The following PRC1 variants were observed in gnomAD, a reference collection of about 807,000 sequenced individuals.
PRC1 encodes the protein protein regulator of cytokinesis 1, also known as anaphase spindle elongation 1 homolog.
Under a neutral mutation model 91.2 loss-of-function variants are expected in PRC1, and 54 were observed. That is an observed-to-expected ratio of 0.59 (90% CI 0.48 to 0.74). PRC1 has a LOEUF of 0.74. PRC1 is among the 30% of genes least tolerant of loss of function. PRC1 has a pLI of 0.00. For synonymous variants in PRC1, 275 were observed against 263.6 expected (o/e 1.04, Z -0.42); for missense variants, 727 against 746.2 (o/e 0.97, Z 0.30).
Position 90,970,598 on chromosome 15 carries a change from C to G in PRC1, c.1462-84G>C, listed in dbSNP as rs963763057. The G allele has an allele frequency of 1.5e-5, 14 of 950,106 alleles. No individual in the cohort carries two copies. The African/African-American group carries it at 3.1e-4, about 21-fold the overall frequency. The allele number at this position is 950,106 out of a possible 1,614,324, so 58.9% of individuals were successfully genotyped here. On this transcript the variant is annotated intron_variant, in intron 11 of 14. Transcript: ENST00000394249. ...ACCTGTCTACCCTACAGAGAAATGACTATGGGAGGAGGCAGTCTAGGGAAG... is the reference window on the plus strand; with the variant it reads ...ACCTGTCTACCCTACAGAGAAATGAGTATGGGAGGAGGCAGTCTAGGGAAG...
In PRC1 at chr15:90,966,336, C is replaced by T; in HGVS notation, c.*795G>A. Reference sequence around the variant, plus strand: ...TAGTGACATGTGCAAAGTTCCAGATCTCCACGACAAAGACAGCTCAACCCA... The same window carrying T: ...TAGTGACATGTGCAAAGTTCCAGATTTCCACGACAAAGACAGCTCAACCCA... On this transcript the variant is annotated 3_prime_UTR_variant, in exon 15 of 15. Transcript: ENST00000394249. The T allele has an allele frequency of 3.5e-6, 1 of 288,206 alleles. No homozygotes were observed. Among genetic ancestry groups the T allele is most frequent in the South Asian group, 2.9e-5 (1 of 34,182 alleles). The allele number at this position is 288,206 out of a possible 1,614,324, so 17.9% of individuals were successfully genotyped here.
intron 5 of PRC1, 148 bp downstream of exon 5, chr15:90,981,351 G>A: frequency 1.1e-6 from 1 of 919,128 alleles, no homozygotes; most frequent in Non-Finnish European, 1.6e-6. Flanking sequence ...AAAAATCAAG[G>A]TTGTATATCA....
chr15:90,985,892 T>C (rs8042518), intron 1 of PRC1: 46,963 of 151,822 alleles, frequency 0.31, 9,232 homozygotes, highest in African/African-American at 0.54. Flanking sequence ...TTCACTACGT[T>C]GGCCACGCTG....
intron 11 of PRC1, among the ~76,000 whole-genome samples, chr15:90,973,667 G>C (rs1037861991): frequency 6.6e-6 from 1 of 152,158 alleles, no homozygotes; most frequent in African/African-American, 2.4e-5. Context: ...GTGGCTGGAG[G>C]CGAGATACGC....
intron 1 of PRC1, among the ~76,000 whole-genome samples, chr15:90,992,234 C>T (rs1261613063): frequency 6.6e-6 from 1 of 152,130 alleles, no homozygotes. Context: ...CTCTTGATTT[C>T]TCTACATAGC....
At chr15:90,968,439 C>G (rs987082072) in intron 14 of PRC1, 1 of 985,626 alleles carries the variant, frequency 1.0e-6, no homozygotes, top group East Asian at 1.1e-4. Context: ...AACATCCTCT[C>G]CTCTTGCTAG....
intron 11 of PRC1, among the ~76,000 whole-genome samples, 189 bp from the exon 12 acceptor site, chr15:90,970,703 A>G (rs932047672): frequency 6.6e-6 from 1 of 152,240 alleles, no homozygotes; most frequent in African/African-American, 2.4e-5. Context: ...TTCAAAGCCT[A>G]TTGCTATCCA....
At chr15:90,968,881 C>G (rs2037787672) in intron 14 of PRC1, 198 bp downstream of exon 14, 2 of 1,388,280 alleles carry the variant, frequency 1.4e-6, no homozygotes. Flanking sequence ...GAATCCAATT[C>G]AAGTCTGAAC....
At position 90,981,479 on chromosome 15, in the gene PRC1, A is replaced by G; in HGVS notation, c.672+20T>C. On this transcript the variant is annotated intron_variant, in intron 5 of 14. Coordinates refer to ENST00000394249, the MANE Select transcript of PRC1 (RefSeq NM_003981.4). ...CTATATACTACGGAGATCCTAGGGC[A>G]TAATTTGAGAAGACAGTACCTGCCG... The G allele has an allele frequency of 6.2e-7, 1 of 1,613,320 alleles. No individual in the cohort carries two copies. The highest frequency in any genetic ancestry group is 2.2e-5 in the East Asian group (1 of 44,880).
intron 9 of PRC1, 32 bp downstream of exon 9, chr15:90,976,644 C>G (rs2038726124): frequency 2.0e-6 from 3 of 1,507,132 alleles, no homozygotes; most frequent in Admixed American, 1.8e-5. Flanking sequence ...TCTTTGTAAC[C>G]AAGCATCAAA....
At chr15:90,986,967 A>C (rs983160235) in intron 1 of PRC1, among the ~76,000 whole-genome samples, 6 of 151,912 alleles carry the variant, frequency 3.9e-5, no homozygotes, top group Non-Finnish European at 7.4e-5. Flanking sequence ...TTCCGTTGAC[A>C]GAGAGTTCAA....
In PRC1 at chr15:90,970,233, G is replaced by A. The variant is rs551119463; in HGVS notation, c.1572+171C>T. Among the ~76,000 whole-genome samples, 6 of 152,124 alleles carry A rather than the reference G, an allele frequency of 3.9e-5. No homozygotes were observed. In the South Asian group the frequency reaches 6.2e-4, roughly 16 times the overall value. On this transcript the variant is annotated intron_variant, in intron 12 of 14. Transcript: ENST00000394249. ...GAGTGACTGTTCTCTTTTTTTGCAC[G>A]TTAGTTTTGGACCATTATTTAATGG...
rs758688171 is a variant in PRC1 at position 90,984,041 on chromosome 15, C to T, written c.244G>A (p.Glu82Lys). The change falls in exon 3 of 15, where the codon GAG (glutamate) becomes AAG (lysine). Residue 82 changes from glutamate (E) to lysine (K), a missense_variant. Glu to Lys is a moderately conservative substitution (Grantham distance 56). Transcript: ENST00000394249. This position sits in a 1 kb window ranked among gnomAD's most constrained non-coding sequence, Gnocchi z 5.1. Reference sequence around the variant, plus strand: ...ACCTGAAATGGCTCAACATGTAACTCGCTGCACAGAGTGTTCAGCTCTTTC... The same window carrying T: ...ACCTGAAATGGCTCAACATGTAACTTGCTGCACAGAGTGTTCAGCTCTTTC... Reference protein sequence around the residue: ...CQKELNTLCSELHVEPFQEEG... With the variant: ...CQKELNTLCSKLHVEPFQEEG... The T allele has an allele frequency of 1.1e-5, 17 of 1,613,968 alleles. No homozygotes were observed. Among genetic ancestry groups the T allele is most frequent in the African/African-American group, 4.0e-5 (3 of 74,916 alleles).
At chr15:90,979,673 T>G (rs934078475) in intron 7 of PRC1, among the ~76,000 whole-genome samples, 1 of 152,254 alleles carries the variant, frequency 6.6e-6, no homozygotes, top group African/African-American at 2.4e-5. Context: ...CATCTTTATA[T>G]TCAGTGCAGT....
intron 11 of PRC1, among the ~76,000 whole-genome samples, chr15:90,971,227 T>C (rs925591711): frequency 5.9e-5 from 9 of 152,226 alleles, no homozygotes; most frequent in African/African-American, 1.9e-4. Flanking sequence ...ATCTAAATTA[T>C]GGTGACAGTT....
intron 11 of PRC1, among the ~76,000 whole-genome samples, chr15:90,972,193 AAAAAAAAAAAACACCACCAAC>A (rs1214711403): frequency 6.8e-6 from 1 of 146,536 alleles, no homozygotes; most frequent in Non-Finnish European, 1.5e-5. Flanking sequence ...CTCAAAAAAA[AAAAAAAAAAAACACCACCAAC>A]AAAAAAAAAA....
Position 90,984,646 on chromosome 15 carries a change from A to G in PRC1, c.144+47T>C. The G allele has an allele frequency of 6.2e-7, 1 of 1,606,268 alleles. No individual in the cohort carries two copies. Among genetic ancestry groups the G allele is most frequent in the Non-Finnish European group, 8.5e-7 (1 of 1,175,416 alleles). ...GTATGCTATCTCGGGTGAGACACCAACATCCTTACCCTGGTCCAATGCAGA... is the reference window on the plus strand; with the variant it reads ...GTATGCTATCTCGGGTGAGACACCAGCATCCTTACCCTGGTCCAATGCAGA... On this transcript the variant is annotated intron_variant, in intron 2 of 14. Coordinates refer to ENST00000394249, the MANE Select transcript of PRC1 (RefSeq NM_003981.4). This position sits in a 1 kb window ranked among gnomAD's most constrained non-coding sequence, Gnocchi z 5.1.
chr15:90,987,468 CA>C (rs1207546635), intron 1 of PRC1, among the ~76,000 whole-genome samples: 1 of 152,094 alleles, frequency 6.6e-6, no homozygotes, highest in Non-Finnish European at 1.5e-5. Context: ...TGTTATTCTT[CA>C]ATTACCAAAA....
chr15:90,980,296 C>G lies in PRC1; in HGVS notation c.916G>C (p.Asp306His). The G allele has an allele frequency of 6.2e-7, 1 of 1,614,132 alleles. No homozygotes were observed. Among genetic ancestry groups the G allele is most frequent in the South Asian group, 1.1e-5 (1 of 91,070 alleles). Residue 306 changes from aspartate (D) to histidine (H), a missense_variant, in exon 7 of 15, where the codon GAC becomes CAC. Transcript: ENST00000394249. Reference sequence around the variant, plus strand: ...TGCTCCTGGCTATAAAAGCACTGGTCCCAGTACTGAACCAGCTCCACTCGA... The same window carrying G: ...TGCTCCTGGCTATAAAAGCACTGGTGCCAGTACTGAACCAGCTCCACTCGA... The part of the protein sequence containing the change: ...AIRVELVQYW[D>H]QCFYSQEQRQ...
Sources: gnomAD v4.1 joint callset for allele counts (sites outside exome capture counted in the v4.1 genomes callset) on GRCh38, gnomAD v4.1.1 for gene constraint, Gnocchi (gnomAD v3.1) non-coding constraint, MANE v1.5 for transcripts, NCBI Gene and HGNC (gene_info 2026-07-23, HGNC 2026-07-21) for gene names.